Variants in GPER1 observed in about 807,000 individuals in gnomAD.
The protein encoded by GPER1 is G protein-coupled estrogen receptor 1.
A neutral mutation model predicts 0.6 loss-of-function variants in GPER1; 2 were observed. The observed-to-expected ratio is 3.41, with a 90% CI of 1.39 to 10.72. GPER1 has a LOEUF of 10.72. Among genes scored for constraint, GPER1 ranks in the 30% most tolerant of loss-of-function variants. The pLI, the probability that GPER1 is intolerant of heterozygous loss-of-function variation, is 0.04. For missense variants in GPER1, 441 were observed against 535.2 expected, an observed-to-expected ratio of 0.82 and a Z score of 1.74; for synonymous variants, 263 against 247.6, an observed-to-expected ratio of 1.06 and a Z score of -0.58.
Position 1,088,630 on chromosome 7 carries a change from G to A in GPER1, c.-323+309G>A, listed in dbSNP as rs113492959. 3.5e-4 allele frequency among the ~76,000 whole-genome samples: 53 copies of A among 152,206 alleles called. No individual in the cohort carries two copies. The highest frequency in any genetic ancestry group is 7.3e-4 in the Non-Finnish European group (50 of 68,038). On this transcript the variant is annotated intron_variant, in intron 1 of 1. Transcript: ENST00000397088. The surrounding 1 kb of genome is among the most constrained non-coding windows in gnomAD (Gnocchi z 4.5). ...AACGTGTCTCACTTCAAGAAAATGA[G>A]GGTGCCCACTCTGCCCTGCCCTGCG...
rs202207715 is a variant in GPER1, at chr7:1,092,423, T to C, written c.695T>C (p.Leu232Pro). The change falls in exon 2 of 2, where the codon CTG becomes CCG. Residue 232 changes from leucine (L) to proline (P), a missense_variant. Coordinates refer to ENST00000397088, the MANE Select transcript of GPER1 (RefSeq NM_001098201.3). ...ATCGTGCCCTTCGCCATCATCGGCC[T>C]GTGCTACTCCCTCATTGTCCGGGTG... ...GFIVPFAIIG[L>P]CYSLIVRVLV... 3.3e-5 allele frequency: 53 copies of C among 1,608,558 alleles called. No homozygotes were observed. In the Admixed American group the frequency reaches 7.0e-4, roughly 21 times the overall value.
rs138061097 is a variant in GPER1 at position 1,091,433 on chromosome 7, C to T, written c.-296C>T. On this transcript the variant is annotated 5_prime_UTR_variant, in exon 2 of 2. Transcript: ENST00000397088. The stretch of plus-strand genomic sequence containing the variant: ...TACCCAGAGAGTGAGCAGCTCCACG[C>T]GGGACTGTGCACGGTGGCCGACACC... 1.0e-5 allele frequency: 4 copies of T among 383,190 alleles called. No individual in the cohort carries two copies. Among genetic ancestry groups the T allele is most frequent in the Non-Finnish European group, 1.4e-5 (3 of 211,918 alleles). The allele number at this position is 383,190 out of a possible 1,614,324, so 23.7% of individuals were successfully genotyped here.
In GPER1 at chr7:1,091,751, G is replaced by A. The variant is rs763431580; in HGVS notation, c.23G>A (p.Arg8Gln). Reference protein sequence around the residue: MDVTSQARGVGLEMYPGT... With the variant: MDVTSQAQGVGLEMYPGT... The stretch of plus-strand genomic sequence containing the variant: ...GACATGGATGTGACTTCCCAAGCCC[G>A]GGGCGTGGGCCTGGAGATGTACCCA... The change falls in exon 2 of 2, where the codon CGG (arginine) becomes CAG (glutamine). Residue 8 changes from arginine to glutamine, a missense_variant. Coordinates refer to ENST00000397088, the MANE Select transcript of GPER1 (RefSeq NM_001098201.3). The A allele has an allele frequency of 9.8e-6, 15 of 1,534,596 alleles. No homozygotes were observed. Among genetic ancestry groups the A allele is most frequent in the Admixed American group, 4.1e-5 (2 of 48,800 alleles).
chr7:1,091,850 C>T lies in GPER1; in HGVS notation c.122C>T (p.Ala41Val), dbSNP rs779527973. The change falls in exon 2 of 2, where the codon GCC becomes GTC. Residue 41 changes from alanine (A) to valine (V), a missense_variant. Coordinates refer to ENST00000397088, the MANE Select transcript of GPER1 (RefSeq NM_001098201.3). ...CTGTCCCACCCGCTCCTGGGCACCG[C>T]CCTGGCCAATGGGACAGGTGAGCTC... The part of the protein sequence containing the change: ...LNLSHPLLGT[A>V]LANGTGELSE... 3.1e-6 allele frequency: 5 copies of T among 1,612,532 alleles called. No individual in the cohort carries two copies. In the East Asian group the frequency reaches 8.9e-5, roughly 29 times the overall value.
In GPER1 at chr7:1,093,201, G is replaced by T. The variant is rs537081392; in HGVS notation, c.*345G>T. 53 of 517,180 alleles carry T rather than the reference G, an allele frequency of 1.0e-4. No individual in the cohort carries two copies. The highest frequency in any genetic ancestry group is 9.4e-4 in the African/African-American group (49 of 52,048). The allele number at this position is 517,180 out of a possible 1,614,324, so 32.0% of individuals were successfully genotyped here. ...TGCAGGAAACATTTCTGACACCGTC[G>T]ACCAGGAAAGCCACACGGAGAGGCC... is the stretch of plus-strand genomic sequence containing the variant. On this transcript the variant is annotated 3_prime_UTR_variant, in exon 2 of 2. Coordinates refer to ENST00000397088, the MANE Select transcript of GPER1 (RefSeq NM_001098201.3).
intron 1 of GPER1, among the ~76,000 whole-genome samples, chr7:1,090,406 G>A (rs1418236026): frequency 6.6e-6 from 1 of 152,172 alleles, no homozygotes; most frequent in East Asian, 1.9e-4. Flanking sequence ...CCCCACTGGC[G>A]GCAGAGCCGG....
chr7:1,093,769 T>C lies in GPER1; in HGVS notation c.*913T>C. 1 of 441,308 alleles carries C rather than the reference T, an allele frequency of 2.3e-6. No homozygotes were observed. The highest frequency in any genetic ancestry group is 4.8e-6 in the Non-Finnish European group (1 of 209,406). The allele number at this position is 441,308 out of a possible 1,614,324, so 27.3% of individuals were successfully genotyped here. A position where few individuals can be genotyped will look rare whatever the true frequency, so the allele number is the denominator to read the frequency against. ...AAAATGTAAGAAAAGCTGATGAGGC[T>C]GGTGACGTTCAGCCTTTGTCAATAA... is the stretch of plus-strand genomic sequence containing the variant. On this transcript the variant is annotated 3_prime_UTR_variant, in exon 2 of 2. Transcript: ENST00000397088.
At position 1,093,809 on chromosome 7, in the gene GPER1, G is replaced by A. The variant is rs567190026; in HGVS notation, c.*953G>A. 2.7e-5 allele frequency: 11 copies of A among 402,040 alleles called. No homozygotes were observed. Among genetic ancestry groups the A allele is most frequent in the Non-Finnish European group, 5.8e-5 (11 of 190,300 alleles). 24.9% of individuals were successfully genotyped at this position (402,040 alleles called of 1,614,324 possible). A position where few individuals can be genotyped will look rare whatever the true frequency, so the allele number is the denominator to read the frequency against. On this transcript the variant is annotated 3_prime_UTR_variant, in exon 2 of 2. Coordinates refer to ENST00000397088, the MANE Select transcript of GPER1 (RefSeq NM_001098201.3). ...TTTGTCAATAAACCTGTCATGTGCG[G>A]ATCCTTCCGGAGGCTCTGTCTTGGG...
intron 1 of GPER1, among the ~76,000 whole-genome samples, chr7:1,090,658 C>T (rs566580260): frequency 2.6e-5 from 4 of 152,214 alleles, no homozygotes; most frequent in South Asian, 2.1e-4. Flanking sequence ...CGGCAGAGCC[C>T]GGGCACCGCC....
Position 1,092,885 on chromosome 7 carries a change from GGT to G in GPER1, c.*33_*34del. ...GCCTTGGCCGCATAGGCCCAGCCAGGGTGTGACTCGGGAGCTGCACACACCTG... is the reference window on the plus strand; with the variant it reads ...GCCTTGGCCGCATAGGCCCAGCCAGGGTGACTCGGGAGCTGCACACACCTG... On this transcript the variant is annotated 3_prime_UTR_variant, in exon 2 of 2. Transcript: ENST00000397088. The G allele has an allele frequency of 6.3e-7, 1 of 1,597,396 alleles. No individual in the cohort carries two copies. Among genetic ancestry groups the G allele is most frequent in the Non-Finnish European group, 8.6e-7 (1 of 1,168,388 alleles).
chr7:1,091,773 C>T lies in GPER1; in HGVS notation c.45C>T (p.Tyr15=). 6.4e-7 allele frequency: 1 copy of T among 1,569,572 alleles called. No individual in the cohort carries two copies. ...SQARGVGLEM[Y]PGTAQPAAPN... ...CCCGGGGCGTGGGCCTGGAGATGTA[C>T]CCAGGCACCGCGCAGCCTGCGGCCC... The change falls in exon 2 of 2, where the codon TAC becomes TAT. Residue 15 remains tyrosine (Y), a synonymous_variant. Transcript: ENST00000397088.
rs1787643362 is a variant in GPER1 at position 1,088,745 on chromosome 7, G to C, written c.-323+424G>C. On this transcript the variant is annotated intron_variant, in intron 1 of 1. Coordinates refer to ENST00000397088, the MANE Select transcript of GPER1 (RefSeq NM_001098201.3). The surrounding 1 kb of genome is among the most constrained non-coding windows in gnomAD (Gnocchi z 4.5). ...GACTTAATACAGCTGACTAAAGTGT[G>C]GCTTTATTTCTCTATGACAAGCAGA... 6.6e-6 allele frequency among the ~76,000 whole-genome samples: 1 copy of C among 152,172 alleles called. No individual in the cohort carries two copies. The highest frequency in any genetic ancestry group is 2.1e-4 in the South Asian group (1 of 4,830).
rs1787982304 is a variant in GPER1 at position 1,091,615 on chromosome 7, A to G, written c.-114A>G. On this transcript the variant is annotated 5_prime_UTR_variant, in exon 2 of 2. Transcript: ENST00000397088. ...CTCCTGGGGAGTTTCCTGTCTGACA[A>G]ATGCCAGGCTCACTTCAAGGAGAAT... 3 of 877,782 alleles carry G rather than the reference A, an allele frequency of 3.4e-6. No homozygotes were observed. Among genetic ancestry groups the G allele is most frequent in the African/African-American group, 3.4e-5 (2 of 59,536 alleles). The allele number at this position is 877,782 out of a possible 1,614,324, so 54.4% of individuals were successfully genotyped here. A position where few individuals can be genotyped will look rare whatever the true frequency, so the allele number is the denominator to read the frequency against.
At chr7:1,087,149 G>A (rs1351518853), upstream of GPER1, 1 of 152,258 alleles carries the variant, frequency 6.6e-6, no homozygotes, top group East Asian at 1.9e-4. Context: ...CGGGGAGGGA[G>A]GTTTATTCTC....
rs778747185 is a variant in GPER1, at chr7:1,092,058, C to T, written c.330C>T (p.Ala110=). The T allele has an allele frequency of 4.8e-5, 78 of 1,613,886 alleles. No homozygotes were observed. The highest frequency in any genetic ancestry group is 6.0e-5 in the Non-Finnish European group (71 of 1,180,012). The change falls in exon 2 of 2, where the codon GCC becomes GCT. Residue 110 remains alanine (A), a synonymous_variant. Coordinates refer to ENST00000397088, the MANE Select transcript of GPER1 (RefSeq NM_001098201.3). ...CGGTGGCGGACCTCATCCTGGTGGC[C>T]GACTCCCTCATTGAGGTGTTCAACC... ...NLAVADLILV[A]DSLIEVFNLH...
rs1788262211 is a variant in GPER1, at chr7:1,093,585, T to C, written c.*729T>C. The C allele has an allele frequency of 6.4e-6, 3 of 471,160 alleles. No individual in the cohort carries two copies. The highest frequency in any genetic ancestry group is 2.0e-5 in the African/African-American group (1 of 50,212). 29.2% of individuals were successfully genotyped at this position (471,160 alleles called of 1,614,324 possible). A position where few individuals can be genotyped will look rare whatever the true frequency, so the allele number is the denominator to read the frequency against. ...CAGTCACTGCTTGTTGACATCAACA[T>C]GGCAATTGCACTCATGTGGACTGGG... On this transcript the variant is annotated 3_prime_UTR_variant, in exon 2 of 2. Coordinates refer to ENST00000397088, the MANE Select transcript of GPER1 (RefSeq NM_001098201.3).
In GPER1 at chr7:1,093,546, G is replaced by A. The variant is rs866526563; in HGVS notation, c.*690G>A. The A allele has an allele frequency of 5.3e-5, 25 of 470,954 alleles. No homozygotes were observed. The highest frequency in any genetic ancestry group is 3.2e-4 in the Middle Eastern group (1 of 3,100). The allele number at this position is 470,954 out of a possible 1,614,324, so 29.2% of individuals were successfully genotyped here. Reference sequence around the variant, plus strand: ...CCCCTCTGTGGAGCGCCCGCCGTCTGCTCCGGGGTGGTTCAGTCACTGCTT... The same window carrying A: ...CCCCTCTGTGGAGCGCCCGCCGTCTACTCCGGGGTGGTTCAGTCACTGCTT... On this transcript the variant is annotated 3_prime_UTR_variant, in exon 2 of 2. Transcript: ENST00000397088.
At chr7:1,087,649 G>C (rs1787519530), upstream of GPER1, among the ~76,000 whole-genome samples, 1 of 152,224 alleles carries the variant, frequency 6.6e-6, no homozygotes, top group East Asian at 1.9e-4. Context: ...CCAGTACTCA[G>C]ATTCCTAAGT....
Position 1,093,135 on chromosome 7 carries a change from C to A in GPER1, c.*279C>A. On this transcript the variant is annotated 3_prime_UTR_variant, in exon 2 of 2. Transcript: ENST00000397088. ...GCGGTGACCAGCCTGTCACCCAGCT[C>A]CTCCCCGCCAACCCTGCCTGCCGCT... The A allele has an allele frequency of 1.6e-6, 1 of 628,266 alleles. No homozygotes were observed. The allele number at this position is 628,266 out of a possible 1,614,324, so 38.9% of individuals were successfully genotyped here.
Sources: gnomAD v4.1 joint callset for allele counts (sites outside exome capture counted in the v4.1 genomes callset) on GRCh38, gnomAD v4.1.1 for gene constraint, Gnocchi (gnomAD v3.1) non-coding constraint, MANE v1.5 for transcripts, NCBI Gene and HGNC (gene_info 2026-07-23, HGNC 2026-07-21) for gene names.